The following CHST11 variants were observed in gnomAD, a reference collection of about 807,000 sequenced individuals.
CHST11 encodes the protein C4S-1.
Under a neutral mutation model 30.4 loss-of-function variants are expected in CHST11, and 9 were observed. That is an observed-to-expected ratio of 0.30 (90% CI 0.18 to 0.52). The LOEUF (loss-of-function observed/expected upper bound fraction) is 0.52. Among genes scored for constraint, CHST11 ranks in the 20% least tolerant of loss-of-function variants. The pLI, the probability that CHST11 is intolerant of heterozygous loss-of-function variation, is 0.97. For synonymous variants in CHST11, 152 were observed against 187.8 expected (o/e 0.81, Z 1.56); for missense variants, 348 against 460.6 (o/e 0.76, Z 2.24).
chr12:104,646,738 C>T (rs577068305), intron 2 of CHST11, among the ~76,000 whole-genome samples: 3 of 152,334 alleles, frequency 2.0e-5, no homozygotes, highest in African/African-American at 7.2e-5. Flanking sequence ...GCACCCCTCT[C>T]CCGTCCCAGA....
At chr12:104,597,099 C>G (rs886974615) in intron 1 of CHST11, among the ~76,000 whole-genome samples, 1 of 152,182 alleles carries the variant, frequency 6.6e-6, no homozygotes, top group Non-Finnish European at 1.5e-5. Flanking sequence ...ATTCCTTTGT[C>G]CTGAGCCAGC....
chr12:104,467,599 T>C (rs1004452022), intron 1 of CHST11, among the ~76,000 whole-genome samples: 1 of 152,214 alleles, frequency 6.6e-6, no homozygotes. Context: ...CATGTAGATA[T>C]GGATAGAGAC....
chr12:104,565,257 G>GTTTTTT (rs2038550855), intron 1 of CHST11, among the ~76,000 whole-genome samples: 3 of 126,986 alleles, frequency 2.4e-5, no homozygotes, highest in South Asian at 2.7e-4. Flanking sequence ...TGTTTTCTAG[G>GTTTTTT]ATTTTTTTTT....
intron 2 of CHST11, among the ~76,000 whole-genome samples, chr12:104,659,415 C>T (rs969451919): frequency 1.3e-5 from 2 of 152,106 alleles, no homozygotes; most frequent in Non-Finnish European, 2.9e-5. Context: ...TCTCCAAGAG[C>T]CATCACTGCC....
intron 1 of CHST11, among the ~76,000 whole-genome samples, chr12:104,500,512 C>A (rs566620795): frequency 6.6e-6 from 1 of 151,728 alleles, no homozygotes; most frequent in Non-Finnish European, 1.5e-5. Flanking sequence ...TTTACCAACA[C>A]GAGACTTATT....
At chr12:104,648,977 A>G (rs755989726) in intron 2 of CHST11, among the ~76,000 whole-genome samples, 3 of 152,158 alleles carry the variant, frequency 2.0e-5, no homozygotes, top group African/African-American at 7.2e-5. Context: ...CCTTACTCCA[A>G]TCAACCTCCC....
intron 1 of CHST11, among the ~76,000 whole-genome samples, chr12:104,586,686 A>G (rs1592778944): frequency 6.6e-6 from 1 of 152,244 alleles, no homozygotes; most frequent in South Asian, 2.1e-4. Context: ...TTTCTGCCTC[A>G]CTGCAAAATA....
chr12:104,560,411 T>G (rs7957648), intron 1 of CHST11, among the ~76,000 whole-genome samples: 1 of 151,844 alleles, frequency 6.6e-6, no homozygotes, highest in Non-Finnish European at 1.5e-5. Context: ...GGTTGAGCCA[T>G]GGGGGGGTTC....
At chr12:104,557,272 T>C (rs1592761891) in intron 1 of CHST11, among the ~76,000 whole-genome samples, 1 of 152,192 alleles carries the variant, frequency 6.6e-6, no homozygotes, top group East Asian at 1.9e-4. Context: ...TTTCTGGTTC[T>C]CTGGGCTGTG....
At chr12:104,722,155 A>ACT (rs1555247507) in intron 2 of CHST11, among the ~76,000 whole-genome samples, 5 of 137,482 alleles carry the variant, frequency 3.6e-5, no homozygotes, top group African/African-American at 1.5e-4. Flanking sequence ...CACTCAGCTA[A>ACT]GTGTGTGTGT....
intron 2 of CHST11, among the ~76,000 whole-genome samples, chr12:104,624,887 C>G (rs1592801143): frequency 6.6e-6 from 1 of 152,216 alleles, no homozygotes; most frequent in Non-Finnish European, 1.5e-5. Flanking sequence ...TGGCTGTGTC[C>G]TCACATGGTC....
Position 104,737,005 on chromosome 12 carries a change from G to A in CHST11, c.205-19944G>A, listed in dbSNP as rs139518308. ...CACAACTGAGACCAGGAGTATCTATGAGAATAAAATGTGACTTTCCTTTAA... is the reference window on the plus strand; with the variant it reads ...CACAACTGAGACCAGGAGTATCTATAAGAATAAAATGTGACTTTCCTTTAA... On this transcript the variant is annotated intron_variant, in intron 2 of 2. Transcript: ENST00000303694. 6.6e-5 allele frequency among the ~76,000 whole-genome samples: 10 copies of A among 152,314 alleles called. No individual in the cohort carries two copies. In the East Asian group the frequency reaches 1.7e-3, roughly 26 times the overall value.
chr12:104,737,382 T>C (rs771428212), intron 2 of CHST11, among the ~76,000 whole-genome samples: 33 of 152,236 alleles, frequency 2.2e-4, no homozygotes, highest in Non-Finnish European at 3.5e-4. Flanking sequence ...GGACATGAAT[T>C]CAAGCCCTCT....
chr12:104,634,948 G>T (rs1388116219), intron 2 of CHST11, among the ~76,000 whole-genome samples: 1 of 152,184 alleles, frequency 6.6e-6, no homozygotes, highest in Non-Finnish European at 1.5e-5. Flanking sequence ...GAAGGAGGGA[G>T]GAAGGGAGGG....
At chr12:104,530,344 T>C (rs1270964930) in intron 1 of CHST11, among the ~76,000 whole-genome samples, 1 of 152,228 alleles carries the variant, frequency 6.6e-6, no homozygotes, top group African/African-American at 2.4e-5. Context: ...TCACTTCTTA[T>C]TTGATCCCCT....
intron 1 of CHST11, among the ~76,000 whole-genome samples, chr12:104,497,503 G>C (rs958952559): frequency 1.3e-5 from 2 of 152,120 alleles, no homozygotes; most frequent in Admixed American, 6.5e-5. Flanking sequence ...CTACTCTGTG[G>C]TATTTTGTTA....
chr12:104,537,485 G>A (rs1367246941), intron 1 of CHST11, among the ~76,000 whole-genome samples: 1 of 152,132 alleles, frequency 6.6e-6, no homozygotes, highest in East Asian at 1.9e-4. Flanking sequence ...GGAATCACAG[G>A]CAAGTTACTT....
intron 1 of CHST11, among the ~76,000 whole-genome samples, chr12:104,468,644 A>G (rs894078603): frequency 1.3e-5 from 2 of 152,198 alleles, no homozygotes; most frequent in Admixed American, 6.5e-5. Flanking sequence ...AATGCCACCA[A>G]TGCCCCTCCT....
intron 2 of CHST11, among the ~76,000 whole-genome samples, chr12:104,607,427 G>C (rs953188551): frequency 4.6e-5 from 7 of 152,184 alleles, no homozygotes; most frequent in Admixed American, 6.5e-5. Context: ...AAAGGGCGTG[G>C]GGAGGAGAGG....
Sources: allele counts gnomAD v4.1 joint callset (sites outside exome capture counted in the v4.1 genomes callset), GRCh38; gene constraint gnomAD v4.1.1; transcripts MANE v1.5; gene names NCBI Gene and HGNC (gene_info 2026-07-23, HGNC 2026-07-21).